The following SNRNP70 variants were observed in gnomAD, a reference collection of about 807,000 sequenced individuals.
SNRNP70 encodes the protein U1 small nuclear ribonucleoprotein 70 kDa.
Under a neutral mutation model 50.5 loss-of-function variants are expected in SNRNP70, and 8 were observed. The ratio of observed to expected loss-of-function variants is 0.16; its 90% CI spans 0.09 to 0.29. The LOEUF (loss-of-function observed/expected upper bound fraction) is 0.29, where lower values mean the gene tolerates loss of function less well. SNRNP70 is among the 10% of genes least tolerant of loss of function. The pLI is 1.00. For synonymous variants in SNRNP70, 320 were observed against 252.9 expected (o/e 1.27, Z -2.52); for missense variants, 529 against 663.5 (o/e 0.80, Z 2.23).
At chr19:49,093,325 A>G (rs2040471342) in intron 4 of SNRNP70, among the ~76,000 whole-genome samples, 1 of 151,692 alleles carries the variant, frequency 6.6e-6, no homozygotes, top group African/African-American at 2.4e-5. Flanking sequence ...ACCTCAGGTG[A>G]TCTGCCCGCC....
chr19:49,085,743 C>A (rs1045282203), intron 1 of SNRNP70, 107 bp downstream of exon 1: 1 of 436,200 alleles, frequency 2.3e-6, no homozygotes, highest in South Asian at 1.6e-5. Flanking sequence ...TTCCCGCGTC[C>A]CCGCCACAGG....
At chr19:49,098,531 T>C (rs771516794) in intron 5 of SNRNP70, 40 bp downstream of exon 5, 14 of 1,599,596 alleles carry the variant, frequency 8.8e-6, no homozygotes, top group Admixed American at 1.7e-5. Context: ...CCCACGCTGC[T>C]GAGAGCCTGG....
chr19:49,092,483 A>C (rs1449069141), intron 4 of SNRNP70, among the ~76,000 whole-genome samples: 1 of 150,398 alleles, frequency 6.6e-6, no homozygotes, highest in Non-Finnish European at 1.5e-5. Flanking sequence ...ATCTTAGCTC[A>C]CTGCAACTTC....
rs967122492 is a variant in SNRNP70 at position 49,104,085 on chromosome 19, C to G, written c.476-549C>G. ...CCATTTCCTGAAGATTTCTCCCACC[C>G]CCTTCTGGTTCATTTTCTGTTCTGA... On this transcript the variant is annotated intron_variant, in intron 7 of 9. Transcript: ENST00000598441. The surrounding 1 kb of genome is among the most constrained non-coding windows in gnomAD (Gnocchi z 5.4). 1 of 152,524 alleles carries G rather than the reference C, an allele frequency of 6.6e-6. No individual in the cohort carries two copies. The highest frequency in any genetic ancestry group is 1.5e-5 in the Non-Finnish European group (1 of 68,416). The allele number at this position is 152,524 out of a possible 1,614,324, so 9.4% of individuals were successfully genotyped here.
At chr19:49,086,313 C>G in intron 1 of SNRNP70, 92 bp from the exon 2 acceptor site, 1 of 1,401,802 alleles carries the variant, frequency 7.1e-7, no homozygotes, top group Non-Finnish European at 9.7e-7. Flanking sequence ...AGACTTTTCT[C>G]CTGTCTTTCT....
chr19:49,085,633 C>G lies in SNRNP70; in HGVS notation c.-14C>G, dbSNP rs1009125743. The G allele has an allele frequency of 2.2e-6, 1 of 456,042 alleles. No homozygotes were observed. The highest frequency in any genetic ancestry group is 2.3e-5 in the Admixed American group (1 of 42,570). The allele number at this position is 456,042 out of a possible 1,614,324, so 28.2% of individuals were successfully genotyped here. On this transcript the variant is annotated 5_prime_UTR_variant, in exon 1 of 10. Transcript: ENST00000598441. ...AGACGCCAGAGCGAGGAGGGCGCTA[C>G]GCGGTGAGTGAGTGTGACTGAGTGG...
intron 6 of SNRNP70, among the ~76,000 whole-genome samples, chr19:49,100,449 CAT>C (rs1568421189): frequency 6.6e-6 from 1 of 152,184 alleles, no homozygotes; most frequent in Non-Finnish European, 1.5e-5. Flanking sequence ...ACGCATCCCT[CAT>C]CGTGCCACGT....
In SNRNP70 at chr19:49,108,276, C is replaced by T. The variant is rs776129154; in HGVS notation, c.1147C>T (p.Arg383Trp). ...TGACCGCGAGCACAAACGGGGGGAG[C>T]GGGGCAGTGAGCGGGGCAGGGATGA... ...DRDREHKRGE[R>W]GSERGRDEAR... The change falls in exon 10 of 10, where the codon CGG becomes TGG. Residue 383 changes from arginine to tryptophan, a missense_variant. Transcript: ENST00000598441. 6 of 1,558,630 alleles carry T rather than the reference C, an allele frequency of 3.8e-6. No homozygotes were observed. The highest frequency in any genetic ancestry group is 1.9e-5 in the Admixed American group (1 of 51,818).
intron 4 of SNRNP70, among the ~76,000 whole-genome samples, chr19:49,095,503 T>G (rs1185456448): frequency 1.3e-5 from 2 of 152,134 alleles, no homozygotes; most frequent in Non-Finnish European, 2.9e-5. Context: ...TTTACCTCTT[T>G]CATTAGCATA....
At chr19:49,096,349 G>T (rs536945472) in intron 4 of SNRNP70, among the ~76,000 whole-genome samples, 3 of 152,202 alleles carry the variant, frequency 2.0e-5, no homozygotes, top group East Asian at 3.9e-4. Context: ...GAGCCACTGT[G>T]CCCAGCCTGG....
At position 49,093,628 on chromosome 19, in the gene SNRNP70, G is replaced by A. The variant is rs181058537; in HGVS notation, c.265+3108G>A. On this transcript the variant is annotated intron_variant, in intron 4 of 9. Coordinates refer to ENST00000598441, the MANE Select transcript of SNRNP70 (RefSeq NM_003089.6). ...TGGGAGGCGGAGGTTGCAGTGAGCC[G>A]AGATCACGCCATTGCACTCCAGCCT... 1.3e-3 allele frequency among the ~76,000 whole-genome samples: 180 copies of A among 139,024 alleles called. 1 individual carries two copies. The highest frequency in any genetic ancestry group is 4.4e-3 in the African/African-American group (165 of 37,230). The allele number at this position is 139,024 out of a possible 152,430, so 91.2% of individuals were successfully genotyped here.
At chr19:49,101,498 C>CCACTCTCTCACT in intron 7 of SNRNP70, 27 bp downstream of exon 7, 1 of 1,516,808 alleles carries the variant, frequency 6.6e-7, no homozygotes, top group Middle Eastern at 1.7e-4. Context: ...GAGCCCTGCC[C>CCACTCTCTCACT]TCTGACCTGC....
intron 4 of SNRNP70, among the ~76,000 whole-genome samples, chr19:49,095,528 GTAGACACCT>G (rs1264092491): frequency 6.7e-6 from 1 of 150,144 alleles, no homozygotes. Context: ...CCCCATGAGG[GTAGACACCT>G]TTTTTTTTTT....
chr19:49,089,004 G>A (rs1002024882), intron 2 of SNRNP70, among the ~76,000 whole-genome samples: 1 of 152,144 alleles, frequency 6.6e-6, no homozygotes, highest in Non-Finnish European at 1.5e-5. Context: ...AGTGATACTT[G>A]GAGCTGTGAG....
chr19:49,101,754 G>A (rs2040590559), intron 7 of SNRNP70: 1 of 463,764 alleles, frequency 2.2e-6, no homozygotes, highest in South Asian at 2.1e-5. Context: ...GGGGGCTGGG[G>A]CCAGCTGGAG....
Position 49,098,628 on chromosome 19 carries a change from C to G in SNRNP70, c.331-14C>G, listed in dbSNP as rs370220674. 5.0e-6 allele frequency: 8 copies of G among 1,612,376 alleles called. No individual in the cohort carries two copies. The highest frequency in any genetic ancestry group is 6.8e-6 in the Non-Finnish European group (8 of 1,178,552). ...TCTGTTCTCCCATTTAACGTCATAT[C>G]CATCTCCTTGTAGAATTATGACACA... On this transcript the variant is annotated splice_polypyrimidine_tract_variant and intron_variant, in intron 5 of 9. Coordinates refer to ENST00000598441, the MANE Select transcript of SNRNP70 (RefSeq NM_003089.6).
intron 4 of SNRNP70, among the ~76,000 whole-genome samples, chr19:49,093,313 C>T (rs1182806286): frequency 2.0e-5 from 3 of 150,840 alleles, no homozygotes; most frequent in African/African-American, 7.3e-5. Flanking sequence ...CTCGAACTCC[C>T]GACCTCAGGT....
Position 49,086,389 on chromosome 19 carries a change from C to T in SNRNP70, c.-10-16C>T, listed in dbSNP as rs760379640. On this transcript the variant is annotated splice_polypyrimidine_tract_variant and intron_variant, in intron 1 of 9. Coordinates refer to ENST00000598441, the MANE Select transcript of SNRNP70 (RefSeq NM_003089.6). ...AGACCCGATCTAACCTAAGGCTGTCCTGCTTCTGCTCTCAGACTTGGCAAG... is the reference window on the plus strand; with the variant it reads ...AGACCCGATCTAACCTAAGGCTGTCTTGCTTCTGCTCTCAGACTTGGCAAG... 3 of 1,608,832 alleles carry T rather than the reference C, an allele frequency of 1.9e-6. No individual in the cohort carries two copies. Among genetic ancestry groups the T allele is most frequent in the African/African-American group, 1.3e-5 (1 of 74,952 alleles).
At chr19:49,091,710 G>T (rs549487622) in intron 4 of SNRNP70, among the ~76,000 whole-genome samples, 1 of 152,090 alleles carries the variant, frequency 6.6e-6, no homozygotes, top group Non-Finnish European at 1.5e-5. Flanking sequence ...ATTTCCTCAC[G>T]GTGCTTACGC....
Sources: allele counts gnomAD v4.1 joint callset (sites outside exome capture counted in the v4.1 genomes callset), GRCh38; gene constraint gnomAD v4.1.1; non-coding constraint Gnocchi (gnomAD v3.1); transcripts MANE v1.5; gene names NCBI Gene and HGNC (gene_info 2026-07-23, HGNC 2026-07-21).